The following FRMPD4 variants were observed in gnomAD, a reference collection of about 807,000 sequenced individuals.
FRMPD4 encodes the protein FERM and PDZ domain containing 4.
FRMPD4 carries 22 observed loss-of-function variants against 94.1 expected under a neutral mutation model. That is an observed-to-expected ratio of 0.23 (90% CI 0.17 to 0.33). The LOEUF (loss-of-function observed/expected upper bound fraction) is 0.33, where lower values mean the gene tolerates loss of function less well. Among genes scored for constraint, FRMPD4 ranks in the 10% least tolerant of loss-of-function variants. FRMPD4 has a pLI of 1.00. For missense variants in FRMPD4, 1,111 were observed against 1,339.9 expected (o/e 0.83, Z 2.67); for synonymous variants, 631 against 548.6 (o/e 1.15, Z -2.10).
intron 1 of FRMPD4, among the ~76,000 whole-genome samples, chrX:12,435,787 T>C (rs1353885025): frequency 3.6e-5 from 4 of 111,863 alleles, no homozygotes; most frequent in Non-Finnish European, 5.6e-5. Context: ...ACTAGAAGTT[T>C]ACTTGAAATC....
At chrX:12,629,462 C>G (rs1435124099) in intron 4 of FRMPD4, among the ~76,000 whole-genome samples, 3 of 112,263 alleles carry the variant, frequency 2.7e-5, no homozygotes, top group Non-Finnish European at 5.6e-5. Flanking sequence ...AATGTATTAG[C>G]TGTTTGTGAC....
intron 1 of FRMPD4, among the ~76,000 whole-genome samples, chrX:12,170,254 G>A (rs1380475674): frequency 9.4e-6 from 1 of 106,499 alleles, no homozygotes; most frequent in African/African-American, 3.4e-5. Context: ...ATAGTTGGTT[G>A]CTTGAAACGG....
chrX:11,841,609 G>C (rs1265429022), intron 1 of FRMPD4, among the ~76,000 whole-genome samples: 1 of 111,521 alleles, frequency 9.0e-6, no homozygotes, highest in Admixed American at 9.5e-5. Flanking sequence ...TTTTTTGCTT[G>C]TAAATGTGTT....
intron 1 of FRMPD4, among the ~76,000 whole-genome samples, chrX:12,419,979 A>G (rs1231274873): frequency 9.0e-6 from 1 of 111,239 alleles, no homozygotes; most frequent in East Asian, 2.8e-4. Context: ...TAGGCTGGTG[A>G]CAGCTGTGTT....
At chrX:11,898,881 A>G (rs2147327365) in intron 3 of FRMPD4, among the ~76,000 whole-genome samples, 1 of 111,765 alleles carries the variant, frequency 8.9e-6, no homozygotes, top group East Asian at 2.8e-4. Flanking sequence ...TTGGGCCTGA[A>G]TAAGTGGAAA....
chrX:12,563,229 T>C (rs1218108596), intron 2 of FRMPD4, among the ~76,000 whole-genome samples: 2 of 85,269 alleles, frequency 2.3e-5, no homozygotes, highest in East Asian at 6.7e-4. Context: ...ATTTTATGCA[T>C]GTAAGTGTGT....
intron 1 of FRMPD4, among the ~76,000 whole-genome samples, chrX:12,259,581 G>C: frequency 9.0e-6 from 1 of 111,487 alleles, no homozygotes; most frequent in Non-Finnish European, 1.9e-5. Context: ...GTTGTTTTGG[G>C]CTATCCGTTA....
chrX:11,894,022 A>G (rs1465958434), intron 3 of FRMPD4, among the ~76,000 whole-genome samples: 2 of 111,747 alleles, frequency 1.8e-5, no homozygotes, highest in Admixed American at 1.9e-4. Context: ...TAATCAGCTT[A>G]AAGACCTTTA....
chrX:11,910,406 G>T (rs1414397412), intron 3 of FRMPD4, among the ~76,000 whole-genome samples: 1 of 111,919 alleles, frequency 8.9e-6, no homozygotes, highest in African/African-American at 3.2e-5. Flanking sequence ...AGTAATATAA[G>T]ATTAGAATTT....
At chrX:12,527,290 C>T (rs151015810) in intron 2 of FRMPD4, among the ~76,000 whole-genome samples, 1,404 of 111,117 alleles carry the variant, frequency 0.013, 21 homozygotes, top group African/African-American at 0.038. Context: ...TGGCTGAGTC[C>T]TCACCTAGAG....
At chrX:12,379,642 CGTGTGTGTGTGTGTGTGTGTGTGTGTGT>C (rs55742933) in intron 1 of FRMPD4, among the ~76,000 whole-genome samples, 1 of 89,972 alleles carries the variant, frequency 1.1e-5, no homozygotes, top group Admixed American at 1.3e-4. Flanking sequence ...GATATGCTGC[CGTGTGTGTGTGTGTGTGTGTGTGTGTGT>C]GTGTGTGTGT....
intron 3 of FRMPD4, among the ~76,000 whole-genome samples, chrX:11,981,506 T>G (rs1009238403): frequency 1.8e-5 from 2 of 111,557 alleles, no homozygotes; most frequent in Non-Finnish European, 3.8e-5. Flanking sequence ...AAAGTCTATC[T>G]TGTCTGATAT....
At chrX:12,216,174 G>A (rs1188595622) in intron 1 of FRMPD4, among the ~76,000 whole-genome samples, 1 of 111,687 alleles carries the variant, frequency 9.0e-6, no homozygotes, top group Non-Finnish European at 1.9e-5. Flanking sequence ...AATTCCAACT[G>A]GACATGGCAT....
chrX:12,607,491 G>C (rs748676145), intron 2 of FRMPD4, among the ~76,000 whole-genome samples: 4 of 111,756 alleles, frequency 3.6e-5, no homozygotes, highest in Non-Finnish European at 1.9e-5. Flanking sequence ...CTTGAAATTA[G>C]TCATGTTTGA....
At chrX:12,126,439 G>C (rs900101266) in intron 3 of FRMPD4, among the ~76,000 whole-genome samples, 1 of 111,670 alleles carries the variant, frequency 9.0e-6, no homozygotes, top group Non-Finnish European at 1.9e-5. Context: ...ACTTATGAGA[G>C]GTAGATTTTA....
At chrX:12,561,541 T>TA (rs11377094) in intron 2 of FRMPD4, among the ~76,000 whole-genome samples, 49,521 of 110,843 alleles carry the variant, frequency 0.45, 8,299 homozygotes, top group Non-Finnish European at 0.52. Context: ...CTAGGTCCCA[T>TA]AAAAGATTTT....
chrX:12,072,465 T>C (rs1341348104), intron 3 of FRMPD4, among the ~76,000 whole-genome samples: 1 of 111,838 alleles, frequency 8.9e-6, no homozygotes, highest in Non-Finnish European at 1.9e-5. Context: ...ATTAGGTGTA[T>C]AGTCAAATAA....
intron 1 of FRMPD4, among the ~76,000 whole-genome samples, chrX:12,163,166 G>C: frequency 9.0e-6 from 1 of 110,821 alleles, no homozygotes; most frequent in South Asian, 3.9e-4. Flanking sequence ...GTTCCAATTA[G>C]GGACTTGAAA....
chrX:12,172,888 C>T (rs1029534601), intron 1 of FRMPD4, among the ~76,000 whole-genome samples: 1 of 112,843 alleles, frequency 8.9e-6, no homozygotes, highest in Non-Finnish European at 1.9e-5. Flanking sequence ...ACTGCTTTCT[C>T]ATTTGCCACT....
Sources: allele counts gnomAD v4.1 joint callset (sites outside exome capture counted in the v4.1 genomes callset), GRCh38; gene constraint gnomAD v4.1.1; transcripts MANE v1.5; gene names NCBI Gene and HGNC (gene_info 2026-07-23, HGNC 2026-07-21).